PXDNL: variants seen among roughly 807,000 people sequenced by gnomAD.
PXDNL encodes probable oxidoreductase PXDNL.
PXDNL carries 145 observed loss-of-function variants against 150.8 expected under a neutral mutation model. That is an observed-to-expected ratio of 0.96 (90% CI 0.84 to 1.10). The LOEUF (loss-of-function observed/expected upper bound fraction) is 1.10, where lower values mean the gene tolerates loss of function less well. Ranked by LOEUF, PXDNL falls within the 50% of genes least tolerant of loss-of-function variation. The pLI is 0.00. For synonymous variants in PXDNL, 757 were observed against 725.7 expected (o/e 1.04, Z -0.69); for missense variants, 2,087 against 1,873.9 (o/e 1.11, Z -2.10).
chr8:51,550,953 A>G (rs1206358523), intron 4 of PXDNL, among the ~76,000 whole-genome samples: 1 of 152,202 alleles, frequency 6.6e-6, no homozygotes, highest in Non-Finnish European at 1.5e-5. Context: ...CTGATAAATG[A>G]ATTCAGTAAA....
chr8:51,535,737 AT>A (rs141190940), intron 4 of PXDNL, among the ~76,000 whole-genome samples: 10,079 of 147,150 alleles, frequency 0.068, 526 homozygotes, highest in Middle Eastern at 0.12. Flanking sequence ...AAATAAATAA[AT>A]AAAAATAAAG....
chr8:51,555,526 A>G (rs1054973763), intron 4 of PXDNL, among the ~76,000 whole-genome samples: 1 of 152,208 alleles, frequency 6.6e-6, no homozygotes, highest in Non-Finnish European at 1.5e-5. Flanking sequence ...CTATAACCTA[A>G]CAGTTCAGCC....
intron 8 of PXDNL, among the ~76,000 whole-genome samples, chr8:51,461,315 T>A (rs1039830216): frequency 6.6e-6 from 1 of 152,200 alleles, no homozygotes; most frequent in African/African-American, 2.4e-5. Context: ...ACAGGGCTAG[T>A]ATGGGAAGGG....
chr8:51,608,812 A>G (rs560524870), intron 2 of PXDNL, among the ~76,000 whole-genome samples: 662 of 126,590 alleles, frequency 5.2e-3, no homozygotes, highest in African/African-American at 0.016. Context: ...ACTCCAGCCT[A>G]GGTGACAGAG....
At chr8:51,571,427 G>A (rs1585588376) in intron 3 of PXDNL, among the ~76,000 whole-genome samples, 1 of 151,912 alleles carries the variant, frequency 6.6e-6, no homozygotes, top group East Asian at 1.9e-4. Flanking sequence ...ATGTTGACAT[G>A]TTTCATTAAA....
chr8:51,670,882 C>T (rs571560809), intron 1 of PXDNL, among the ~76,000 whole-genome samples: 1 of 152,276 alleles, frequency 6.6e-6, no homozygotes, highest in African/African-American at 2.4e-5. Context: ...TATAAAATCA[C>T]CATTAGTCTG....
rs116002413 is a variant in PXDNL at position 51,607,391 on chromosome 8, G to T, written c.237-14693C>A. Among the ~76,000 whole-genome samples, 750 of 152,278 alleles carry T rather than the reference G, an allele frequency of 4.9e-3. 7 individuals carry two copies. The highest frequency in any genetic ancestry group is 0.017 in the African/African-American group (714 of 41,534). On this transcript the variant is annotated intron_variant, in intron 2 of 22. Transcript: ENST00000356297. ...ATCCCTGATGTTCATAACAAAGGAG[G>T]CACGAAGCCCAGTTATTTTTGGCTC...
At position 51,640,197 on chromosome 8, in the gene PXDNL, C is replaced by T. The variant is rs200374498; in HGVS notation, c.236+14492G>A. 1.4e-4 allele frequency among the ~76,000 whole-genome samples: 21 copies of T among 152,228 alleles called. No individual in the cohort carries two copies. In the East Asian group the frequency reaches 3.5e-3, roughly 25 times the overall value. The stretch of plus-strand genomic sequence containing the variant: ...CTCAAAAAATTAGGTATTGATGGGA[C>T]ATATCTCAAAATAATAAGAGCTATC... On this transcript the variant is annotated intron_variant, in intron 2 of 22. Coordinates refer to ENST00000356297, the MANE Select transcript of PXDNL (RefSeq NM_144651.5).
chr8:51,692,261 G>T (rs1231951147), intron 1 of PXDNL, among the ~76,000 whole-genome samples: 1 of 152,014 alleles, frequency 6.6e-6, no homozygotes, highest in Non-Finnish European at 1.5e-5. Flanking sequence ...AATTATCATT[G>T]GTTCTCAAAA....
intron 1 of PXDNL, among the ~76,000 whole-genome samples, chr8:51,658,356 AAAAAAG>A (rs1329413826): frequency 1.8e-5 from 2 of 111,028 alleles, no homozygotes; most frequent in East Asian, 2.5e-4. Context: ...AAAAAAAAAA[AAAAAAG>A]AAAAGAAAAG....
At chr8:51,659,880 TTTA>T (rs1489763915) in intron 1 of PXDNL, among the ~76,000 whole-genome samples, 1 of 151,266 alleles carries the variant, frequency 6.6e-6, no homozygotes, top group Non-Finnish European at 1.5e-5. Context: ...TATTTATTTA[TTTA>T]TTTATTTATT....
At chr8:51,544,858 TAA>T (rs1812320368) in intron 4 of PXDNL, among the ~76,000 whole-genome samples, 1 of 152,180 alleles carries the variant, frequency 6.6e-6, no homozygotes, top group Non-Finnish European at 1.5e-5. Flanking sequence ...AAAATAAATT[TAA>T]TTTAAAATGG....
intron 1 of PXDNL, among the ~76,000 whole-genome samples, chr8:51,801,537 T>C (rs1438481032): frequency 6.6e-6 from 1 of 152,180 alleles, no homozygotes; most frequent in Non-Finnish European, 1.5e-5. Context: ...CCTACTGATA[T>C]GTGATGTCAC....
intron 7 of PXDNL, among the ~76,000 whole-genome samples, chr8:51,473,188 G>A (rs916354884): frequency 6.6e-6 from 1 of 151,578 alleles, no homozygotes; most frequent in Non-Finnish European, 1.5e-5. Context: ...CAGACAAGGC[G>A]CTAGGACTAG....
At chr8:51,794,316 C>A (rs1212398834) in intron 1 of PXDNL, among the ~76,000 whole-genome samples, 1 of 151,894 alleles carries the variant, frequency 6.6e-6, no homozygotes, top group Non-Finnish European at 1.5e-5. Context: ...TCCAGAGAAC[C>A]CCAGTAAGAT....
intron 21 of PXDNL, among the ~76,000 whole-genome samples, chr8:51,321,397 A>G (rs552860574): frequency 6.6e-6 from 1 of 152,318 alleles, no homozygotes; most frequent in South Asian, 2.1e-4. Context: ...AAGCCTTTAG[A>G]TAATAACGGT....
At chr8:51,448,794 GA>G (rs1809740233) in intron 11 of PXDNL, among the ~76,000 whole-genome samples, 1 of 152,134 alleles carries the variant, frequency 6.6e-6, no homozygotes, top group Non-Finnish European at 1.5e-5. Context: ...CAGAGGGGAT[GA>G]TCTCAGGAAG....
intron 22 of PXDNL, 102 bp from the exon 23 acceptor site, chr8:51,320,124 G>A: frequency 9.8e-7 from 1 of 1,020,990 alleles, no homozygotes; most frequent in Non-Finnish European, 1.3e-6. Context: ...TAAGCTGACT[G>A]TCTCAATATA....
At chr8:51,743,300 C>T (rs1474445258) in intron 1 of PXDNL, among the ~76,000 whole-genome samples, 1 of 152,124 alleles carries the variant, frequency 6.6e-6, no homozygotes, top group African/African-American at 2.4e-5. Context: ...TCACTGTAAC[C>T]TCCGCCTCCC....
Sources: allele counts gnomAD v4.1 joint callset (sites outside exome capture counted in the v4.1 genomes callset), GRCh38; gene constraint gnomAD v4.1.1; transcripts MANE v1.5; gene names NCBI Gene and HGNC (gene_info 2026-07-23, HGNC 2026-07-21).